The following POMC variants were observed in gnomAD, a reference collection of about 807,000 sequenced individuals.
POMC encodes pro-opiomelanocortin.
A neutral mutation model predicts 18.5 loss-of-function variants in POMC; 19 were observed. That is an observed-to-expected ratio of 1.03 (90% CI 0.72 to 1.51). The LOEUF (loss-of-function observed/expected upper bound fraction) is 1.51, where lower values mean the gene tolerates loss of function less well. POMC is among the 40% of genes most tolerant of loss of function. The pLI, the probability that POMC is intolerant of heterozygous loss-of-function variation, is 0.00. For synonymous variants in POMC, 179 were observed against 161.9 expected (o/e 1.11, Z -0.80); for missense variants, 451 against 379.0 (o/e 1.19, Z -1.58).
chr2:25,168,052 G>C lies in POMC; in HGVS notation c.-21+446C>G, dbSNP rs1671616859. Among the ~76,000 whole-genome samples the C allele has an allele frequency of 6.6e-6, 1 of 152,102 alleles. No individual in the cohort carries two copies. The highest frequency in any genetic ancestry group is 2.1e-4 in the South Asian group (1 of 4,828). On this transcript the variant is annotated intron_variant, in intron 1 of 2. Coordinates refer to ENST00000395826, the MANE Select transcript of POMC (RefSeq NM_000939.4). This position sits in a 1 kb window ranked among gnomAD's most constrained non-coding sequence, Gnocchi z 5.2. ...GCCTGTAATCCCAGCTACTCGGGAG[G>C]CTGAAGCAGGAGAATCGCTTGAACC...
chr2:25,161,573 GCGCTTCTGCCCTGCGC>G lies in POMC; in HGVS notation c.296_311del (p.Gly99AlafsTer54), dbSNP rs1671374216. 1 of 1,553,528 alleles carries G rather than the reference GCGCTTCTGCCCTGCGC, an allele frequency of 6.4e-7. No individual in the cohort carries two copies. Among genetic ancestry groups the G allele is most frequent in the South Asian group, 1.2e-5 (1 of 84,638 alleles). ...AGTCTTCGCCCGCTGAGACGTCCTC[GCGCTTCTGCCCTGCGC>G]CGCTGCTGCCGCTGCTGCTGCTGTT... On this transcript the variant is annotated frameshift_variant, in exon 3 of 3. Coordinates refer to ENST00000395826, the MANE Select transcript of POMC (RefSeq NM_000939.4). LOFTEE classifies it high-confidence loss of function. This position sits in a 1 kb window ranked among gnomAD's most constrained non-coding sequence, Gnocchi z 5.7.
In POMC at chr2:25,161,633, C is replaced by G; in HGVS notation, c.252G>C (p.Trp84Cys). The G allele has an allele frequency of 6.4e-7, 1 of 1,552,644 alleles. No individual in the cohort carries two copies. The highest frequency in any genetic ancestry group is 1.2e-5 in the South Asian group (1 of 84,392). ...TGCTGTTGCGGCGGCCGAATCGGTCCCAGCGGAAGTGGCCCATGACGTACT... is the reference window on the plus strand; with the variant it reads ...TGCTGTTGCGGCGGCCGAATCGGTCGCAGCGGAAGTGGCCCATGACGTACT... Reference protein sequence around the residue: ...PRKYVMGHFRWDRFGRRNSSS... With the variant: ...PRKYVMGHFRCDRFGRRNSSS... Residue 84 changes from tryptophan to cysteine, a missense_variant, in exon 3 of 3, where the codon TGG becomes TGC. Coordinates refer to ENST00000395826, the MANE Select transcript of POMC (RefSeq NM_000939.4). The surrounding 1 kb of genome is among the most constrained non-coding windows in gnomAD (Gnocchi z 5.7).
chr2:25,164,802 C>A lies in POMC; in HGVS notation c.-20-10G>T, dbSNP rs780567223. ...CAGGCAGGCTGAGGCTCTGCAGAAG[C>A]AAACAAGATTGGTGGGACCCCTGCA... On this transcript the variant is annotated splice_polypyrimidine_tract_variant and intron_variant, in intron 1 of 2. Transcript: ENST00000395826. The A allele has an allele frequency of 6.2e-7, 1 of 1,612,752 alleles. No individual in the cohort carries two copies. Among genetic ancestry groups the A allele is most frequent in the Non-Finnish European group, 8.5e-7 (1 of 1,179,916 alleles).
chr2:25,161,679 G>A lies in POMC; in HGVS notation c.206C>T (p.Pro69Leu), dbSNP rs768768839. The A allele has an allele frequency of 5.1e-6, 8 of 1,571,626 alleles. No homozygotes were observed. In the South Asian group the frequency reaches 8.2e-5, roughly 16 times the overall value. The stretch of plus-strand genomic sequence containing the variant: ...GTACTTCCGGGGGTTCTCGGTCAGA[G>A]GCTGCTCGTCGCCATTTCCCGGGAA... ...PMFPGNGDEQ[P>L]LTENPRKYVM... Residue 69 changes from proline (P) to leucine (L), a missense_variant, in exon 3 of 3, where the codon CCT becomes CTT. Pro to Leu is a moderately conservative substitution (Grantham distance 98, BLOSUM62 -3). Coordinates refer to ENST00000395826, the MANE Select transcript of POMC (RefSeq NM_000939.4). The surrounding 1 kb of genome is among the most constrained non-coding windows in gnomAD (Gnocchi z 5.7).
At chr2:25,166,724 T>C (rs138195385) in intron 1 of POMC, among the ~76,000 whole-genome samples, 1 of 152,316 alleles carries the variant, frequency 6.6e-6, no homozygotes, top group African/African-American at 2.4e-5. Flanking sequence ...TCCCACCCTC[T>C]CAGAGCTTAT....
intron 2 of POMC, among the ~76,000 whole-genome samples, chr2:25,162,386 G>A (rs1671423509): frequency 1.3e-5 from 2 of 152,076 alleles, no homozygotes; most frequent in Non-Finnish European, 2.9e-5. Context: ...GGAGGTAGAG[G>A]TTGCAGTGAG....
chr2:25,161,608 T>TGCTGCC lies in POMC; in HGVS notation c.276_277insGGCAGC (p.Ser92_Ser93insGlySer), dbSNP rs1558628708. The stretch of plus-strand genomic sequence containing the variant: ...CCTGCGCCGCTGCTGCCGCTGCTGC[T>TGCTGCC]GCTGTTGCGGCGGCCGAATCGGTCC... On this transcript the variant is annotated inframe_insertion, in exon 3 of 3. Coordinates refer to ENST00000395826, the MANE Select transcript of POMC (RefSeq NM_000939.4). This position sits in a 1 kb window ranked among gnomAD's most constrained non-coding sequence, Gnocchi z 5.7. 9.6e-6 allele frequency: 14 copies of TGCTGCC among 1,458,718 alleles called. No individual in the cohort carries two copies. Among genetic ancestry groups the TGCTGCC allele is most frequent in the African/African-American group, 1.8e-5 (1 of 56,424 alleles). 90.4% of individuals were successfully genotyped at this position (1,458,718 alleles called of 1,614,324 possible).
At position 25,161,518 on chromosome 2, in the gene POMC, G is replaced by A. The variant is rs1354770577; in HGVS notation, c.367C>T (p.Pro123Ser). Residue 123 changes from proline to serine, a missense_variant, in exon 3 of 3, where the codon CCC (proline) becomes TCC (serine). By Grantham distance (74) the Pro-to-Ser change is moderately conservative. Transcript: ENST00000395826. This position sits in a 1 kb window ranked among gnomAD's most constrained non-coding sequence, Gnocchi z 5.7. ...CGPLPEGGPEPRSDGAKPGPR... is the reference protein window; with the variant it reads ...CGPLPEGGPESRSDGAKPGPR... ...CCCGGCTTGGCACCATCGCTGCGGGGCTCGGGGCCGCCCTCAGGCAGCGGG... is the reference window on the plus strand; with the variant it reads ...CCCGGCTTGGCACCATCGCTGCGGGACTCGGGGCCGCCCTCAGGCAGCGGG... 1.3e-6 allele frequency: 2 copies of A among 1,591,954 alleles called. No individual in the cohort carries two copies. Among genetic ancestry groups the A allele is most frequent in the Non-Finnish European group, 1.7e-6 (2 of 1,169,824 alleles).
At chr2:25,165,674 T>C (rs1671530903) in intron 1 of POMC, 1 of 152,188 alleles carries the variant, frequency 6.6e-6, no homozygotes, top group Admixed American at 6.5e-5. Flanking sequence ...TTTTGGAGAA[T>C]CCAGCAAGTG....
At position 25,161,646 on chromosome 2, in the gene POMC, C is replaced by T; in HGVS notation, c.239G>A (p.Gly80Asp). 1.3e-6 allele frequency: 2 copies of T among 1,555,248 alleles called. No individual in the cohort carries two copies. The highest frequency in any genetic ancestry group is 2.4e-5 in the South Asian group (2 of 84,524). Residue 80 changes from glycine to aspartate, a missense_variant, in exon 3 of 3, where the codon GGC (glycine) becomes GAC (aspartate). Coordinates refer to ENST00000395826, the MANE Select transcript of POMC (RefSeq NM_000939.4). The surrounding 1 kb of genome is among the most constrained non-coding windows in gnomAD (Gnocchi z 5.7). ...LTENPRKYVM[G>D]HFRWDRFGRR... is the part of the protein sequence containing the mutation. ...GCCGAATCGGTCCCAGCGGAAGTGG[C>T]CCATGACGTACTTCCGGGGGTTCTC... is the stretch of plus-strand genomic sequence containing the variant.
rs886293824 is a variant in POMC, at chr2:25,161,003, G to A, written c.*78C>T. On this transcript the variant is annotated 3_prime_UTR_variant, in exon 3 of 3. Coordinates refer to ENST00000395826, the MANE Select transcript of POMC (RefSeq NM_000939.4). The surrounding 1 kb of genome is among the most constrained non-coding windows in gnomAD (Gnocchi z 5.7). ...GCCACGACCCCCCAGGCTGGGAGGC[G>A]GCAGCAGGGCAGGGGAGAGCAAGGG... The A allele has an allele frequency of 1.3e-6, 2 of 1,587,046 alleles. No homozygotes were observed. The highest frequency in any genetic ancestry group is 1.4e-5 in the African/African-American group (1 of 73,660).
rs373721473 is a variant in POMC, at chr2:25,161,411, C to T, written c.474G>A (p.Lys158=). 1.2e-6 allele frequency: 2 copies of T among 1,609,754 alleles called. No individual in the cohort carries two copies. The highest frequency in any genetic ancestry group is 2.7e-5 in the African/African-American group (2 of 74,718). ...CGTCCTCGGCGCCGTTAGGGTACAC[C>T]TTCACTGGGCGCCGCTTCTTGCCCA... ...KPVGKKRRPV[K]VYPNGAEDES... The change falls in exon 3 of 3, where the codon AAG becomes AAA. Residue 158 remains lysine, a synonymous_variant. Coordinates refer to ENST00000395826, the MANE Select transcript of POMC (RefSeq NM_000939.4). The surrounding 1 kb of genome is among the most constrained non-coding windows in gnomAD (Gnocchi z 5.7).
rs1246410436 is a variant in POMC at position 25,164,728 on chromosome 2, G to A, written c.45C>T (p.Ala15=). Reference sequence around the variant, plus strand: ...CTTCCATGGAGGCCTGAAGCAGCAAGGCCAGCAACAGGGCCCCCGAGCGGC... The same window carrying A: ...CTTCCATGGAGGCCTGAAGCAGCAAAGCCAGCAACAGGGCCCCCGAGCGGC... ...CCSRSGALLL[A]LLLQASMEVR... Residue 15 remains alanine, a synonymous_variant, in exon 2 of 3, where the codon GCC becomes GCT. Transcript: ENST00000395826. 3 of 1,614,070 alleles carry A rather than the reference G, an allele frequency of 1.9e-6. No individual in the cohort carries two copies. The highest frequency in any genetic ancestry group is 2.5e-6 in the Non-Finnish European group (3 of 1,180,044).
At position 25,168,227 on chromosome 2, in the gene POMC, C is replaced by A. The variant is rs961837803; in HGVS notation, c.-21+271G>T. On this transcript the variant is annotated intron_variant, in intron 1 of 2. Transcript: ENST00000395826. This position sits in a 1 kb window ranked among gnomAD's most constrained non-coding sequence, Gnocchi z 5.2. ...CTCGGAGCCTCCGGACCGCCGCGAG[C>A]CCCTGGGGGAGAGGAGGCCGCCGGC... is the stretch of plus-strand genomic sequence containing the variant. Among the ~76,000 whole-genome samples, 1 of 152,164 alleles carries A rather than the reference C, an allele frequency of 6.6e-6. No homozygotes were observed. Among genetic ancestry groups the A allele is most frequent in the African/African-American group, 2.4e-5 (1 of 41,452 alleles).
chr2:25,161,825 C>T lies in POMC; in HGVS notation c.133-73G>A, dbSNP rs555817755. 1,177 of 1,492,882 alleles carry T rather than the reference C, an allele frequency of 7.9e-4. 1 individual carries two copies. The highest frequency in any genetic ancestry group is 9.3e-4 in the Non-Finnish European group (1,048 of 1,125,772). 92.5% of individuals were successfully genotyped at this position (1,492,882 alleles called of 1,614,324 possible). On this transcript the variant is annotated intron_variant, in intron 2 of 2. Coordinates refer to ENST00000395826, the MANE Select transcript of POMC (RefSeq NM_000939.4). This position sits in a 1 kb window ranked among gnomAD's most constrained non-coding sequence, Gnocchi z 5.7. The stretch of plus-strand genomic sequence containing the variant: ...GGCCCGGCTGCCGCGCCCGTCACTG[C>T]GCCTAGGCCCTGGCCGCCCTCGCCA...
rs1216042661 is a variant in POMC at position 25,161,616 on chromosome 2, C to T, written c.269G>A (p.Arg90His). ...GCTGCTGCCGCTGCTGCTGCTGTTG[C>T]GGCGGCCGAATCGGTCCCAGCGGAA... ...GHFRWDRFGR[R>H]NSSSSGSSGA... The change falls in exon 3 of 3, where the codon CGC (arginine) becomes CAC (histidine). Residue 90 changes from arginine to histidine, a missense_variant. Physicochemically the swap from Arg to His is conservative, Grantham distance 29. Transcript: ENST00000395826. This position sits in a 1 kb window ranked among gnomAD's most constrained non-coding sequence, Gnocchi z 5.7. 1.9e-6 allele frequency: 3 copies of T among 1,554,064 alleles called. No individual in the cohort carries two copies. Among genetic ancestry groups the T allele is most frequent in the Non-Finnish European group, 2.6e-6 (3 of 1,149,106 alleles).
At position 25,161,456 on chromosome 2, in the gene POMC, G is replaced by C. The variant is rs201519174; in HGVS notation, c.429C>G (p.His143Gln). 4.0e-4 allele frequency: 649 copies of C among 1,609,886 alleles called. 1 individual carries two copies. Among genetic ancestry groups the C allele is most frequent in the Non-Finnish European group, 5.0e-4 (587 of 1,179,160 alleles). Reference sequence around the variant, plus strand: ...TGCCCACCGGCTTGCCCCAGCGGAAGTGCTCCATGGAGTAGGAGCGCTTGC... The same window carrying C: ...TGCCCACCGGCTTGCCCCAGCGGAACTGCTCCATGGAGTAGGAGCGCTTGC... ...REGKRSYSME[H>Q]FRWGKPVGKK... The change falls in exon 3 of 3, where the codon CAC becomes CAG. Residue 143 changes from histidine (H) to glutamine (Q), a missense_variant. Coordinates refer to ENST00000395826, the MANE Select transcript of POMC (RefSeq NM_000939.4). This position sits in a 1 kb window ranked among gnomAD's most constrained non-coding sequence, Gnocchi z 5.7.
Position 25,161,214 on chromosome 2 carries a change from T to C in POMC, c.671A>G (p.Glu224Gly). Reference protein sequence around the residue: ...EKKDEGPYRMEHFRWGSPPKD... With the variant: ...EKKDEGPYRMGHFRWGSPPKD... ...GGGCGGGCTGCCCCAGCGGAAGTGCTCCATCCTGTAGGGGCCCTCGTCCTT... is the reference window on the plus strand; with the variant it reads ...GGGCGGGCTGCCCCAGCGGAAGTGCCCCATCCTGTAGGGGCCCTCGTCCTT... Residue 224 changes from glutamate (E) to glycine (G), a missense_variant, in exon 3 of 3, where the codon GAG becomes GGG. Transcript: ENST00000395826. The surrounding 1 kb of genome is among the most constrained non-coding windows in gnomAD (Gnocchi z 5.7). 1 of 1,613,340 alleles carries C rather than the reference T, an allele frequency of 6.2e-7. No individual in the cohort carries two copies. The highest frequency in any genetic ancestry group is 8.5e-7 in the Non-Finnish European group (1 of 1,179,892).
chr2:25,168,233 G>C lies in POMC; in HGVS notation c.-21+265C>G, dbSNP rs1380385016. Reference sequence around the variant, plus strand: ...GCCTCCGGACCGCCGCGAGCCCCTGGGGGAGAGGAGGCCGCCGGCTCCCTG... The same window carrying C: ...GCCTCCGGACCGCCGCGAGCCCCTGCGGGAGAGGAGGCCGCCGGCTCCCTG... On this transcript the variant is annotated intron_variant, in intron 1 of 2. Coordinates refer to ENST00000395826, the MANE Select transcript of POMC (RefSeq NM_000939.4). This position sits in a 1 kb window ranked among gnomAD's most constrained non-coding sequence, Gnocchi z 5.2. 6.6e-6 allele frequency among the ~76,000 whole-genome samples: 1 copy of C among 151,998 alleles called. No individual in the cohort carries two copies. Among genetic ancestry groups the C allele is most frequent in the Non-Finnish European group, 1.5e-5 (1 of 68,020 alleles).
Sources: gnomAD v4.1 joint callset for allele counts (sites outside exome capture counted in the v4.1 genomes callset) on GRCh38, gnomAD v4.1.1 for gene constraint, Gnocchi (gnomAD v3.1) non-coding constraint, MANE v1.5 for transcripts, NCBI Gene and HGNC (gene_info 2026-07-23, HGNC 2026-07-21) for gene names.